Variants in ANK2 observed in about 807,000 individuals in gnomAD.
ANK2 encodes the protein ankyrin-2.
ANK2 carries 83 observed loss-of-function variants against 360.5 expected under a neutral mutation model. The ratio of observed to expected loss-of-function variants is 0.23; its 90% CI spans 0.19 to 0.28. The LOEUF is 0.28. Ranked by LOEUF, ANK2 falls within the 10% of genes least tolerant of loss-of-function variation. The pLI, the probability that ANK2 is intolerant of heterozygous loss-of-function variation, is 1.00. For synonymous variants in ANK2, 1,740 were observed against 1,759.5 expected (o/e 0.99, Z 0.28); for missense variants, 4,201 against 4,795.7 (o/e 0.88, Z 3.66).
chr4:112,833,534 C>G (rs1400802291), intron 1 of ANK2, among the ~76,000 whole-genome samples: 2 of 146,670 alleles, frequency 1.4e-5, no homozygotes, highest in East Asian at 2.0e-4. Flanking sequence ...GAGGGAGTCT[C>G]GCTCTGTCCC....
intron 2 of ANK2, among the ~76,000 whole-genome samples, chr4:113,026,747 G>A (rs2154301093): frequency 6.6e-6 from 1 of 152,302 alleles, no homozygotes; most frequent in Non-Finnish European, 1.5e-5. Context: ...AGGACGATGA[G>A]TAATCAAGGA....
the ANK2 span, among the ~76,000 whole-genome samples, chr4:112,785,287 A>G: frequency 6.6e-6 from 1 of 151,668 alleles, no homozygotes. Flanking sequence ...ATTATTAACA[A>G]CCCTTCCAAT....
At chr4:112,872,541 T>G (rs2073547246) in intron 1 of ANK2, among the ~76,000 whole-genome samples, 1 of 152,196 alleles carries the variant, frequency 6.6e-6, no homozygotes, top group African/African-American at 2.4e-5. Flanking sequence ...TTCTCCATGT[T>G]GGTCAGGCTG....
At chr4:113,247,045 A>G (rs903660114) in intron 9 of ANK2, among the ~76,000 whole-genome samples, 5 of 150,668 alleles carry the variant, frequency 3.3e-5, no homozygotes, top group Non-Finnish European at 7.4e-5. Flanking sequence ...GGGGGAAGAT[A>G]TGAAAAGATA....
rs769018760 is a variant in ANK2 at position 113,264,878 on chromosome 4, G to A, written c.1387-19G>A. 6.4e-6 allele frequency: 10 copies of A among 1,553,922 alleles called. No homozygotes were observed. The highest frequency in any genetic ancestry group is 2.0e-5 in the Admixed American group (1 of 51,254). Reference sequence around the variant, plus strand: ...GCGGTGGGTTAATTTATGATTTGACGATCTTTGTTCCCTGGCAGCGTGGTG... The same window carrying A: ...GCGGTGGGTTAATTTATGATTTGACAATCTTTGTTCCCTGGCAGCGTGGTG... On this transcript the variant is annotated intron_variant, in intron 13 of 45. Transcript: ENST00000357077.
chr4:112,758,555 C>A, the ANK2 span, among the ~76,000 whole-genome samples: 4 of 151,990 alleles, frequency 2.6e-5, no homozygotes, highest in Non-Finnish European at 5.9e-5. Flanking sequence ...GGATTACAGG[C>A]GAGCAGGCGC....
At chr4:113,259,183 T>A (rs537301217) in intron 13 of ANK2, among the ~76,000 whole-genome samples, 1 of 152,236 alleles carries the variant, frequency 6.6e-6, no homozygotes, top group South Asian at 2.1e-4. Flanking sequence ...TCAGGATAAA[T>A]CATTGAATGC....
chr4:112,717,518 T>C, the ANK2 span, among the ~76,000 whole-genome samples: 1 of 152,328 alleles, frequency 6.6e-6, no homozygotes, highest in Middle Eastern at 3.4e-3. Flanking sequence ...TGCATCGTAC[T>C]GTGATATTCC....
At chr4:113,261,979 A>G (rs1425544404) in intron 13 of ANK2, among the ~76,000 whole-genome samples, 1 of 152,062 alleles carries the variant, frequency 6.6e-6, no homozygotes, top group African/African-American at 2.4e-5. Context: ...CTTGAACCAA[A>G]GAGGTGGAGG....
chr4:113,111,946 G>A (rs2094343538), intron 1 of ANK2, among the ~76,000 whole-genome samples: 1 of 152,120 alleles, frequency 6.6e-6, no homozygotes, highest in Non-Finnish European at 1.5e-5. Flanking sequence ...ATGAGGACAA[G>A]GGTTTTGTCA....
chr4:113,224,142 T>C (rs925455447), intron 4 of ANK2, among the ~76,000 whole-genome samples: 1 of 152,194 alleles, frequency 6.6e-6, no homozygotes, highest in Admixed American at 6.5e-5. Context: ...CCATCATCAG[T>C]GCTTTAGAAG....
Position 113,077,572 on chromosome 4 carries a change from T to G in ANK2, c.84+27760T>G, listed in dbSNP as rs1057469611. Reference sequence around the variant, plus strand: ...TCTAAAGACCATCTGCCCAGTCCTATTAACCAGTAACTACAGAAAGAAGTT... The same window carrying G: ...TCTAAAGACCATCTGCCCAGTCCTAGTAACCAGTAACTACAGAAAGAAGTT... On this transcript the variant is annotated intron_variant, in intron 1 of 45. Transcript: ENST00000357077. 2.6e-5 allele frequency among the ~76,000 whole-genome samples: 4 copies of G among 152,226 alleles called. No homozygotes were observed. In the East Asian group the frequency reaches 7.7e-4, roughly 29 times the overall value.
chr4:113,183,264 C>T (rs1046753105), intron 2 of ANK2, among the ~76,000 whole-genome samples: 1 of 151,726 alleles, frequency 6.6e-6, no homozygotes, highest in Non-Finnish European at 1.5e-5. Flanking sequence ...AAATAATAAT[C>T]CAGGAGAGTG....
At chr4:113,214,686 G>A (rs916865806) in intron 4 of ANK2, among the ~76,000 whole-genome samples, 1 of 152,224 alleles carries the variant, frequency 6.6e-6, no homozygotes, top group East Asian at 1.9e-4. Flanking sequence ...AGCATGGTAG[G>A]TTAGGACTTT....
chr4:113,011,486 C>G (rs898758044), intron 2 of ANK2, among the ~76,000 whole-genome samples: 1 of 152,050 alleles, frequency 6.6e-6, no homozygotes, highest in Admixed American at 6.6e-5. Context: ...GAATTGAATG[C>G]TTATATACAG....
intron 26 of ANK2, among the ~76,000 whole-genome samples, chr4:113,329,707 T>G (rs1474704014): frequency 6.6e-6 from 1 of 152,220 alleles, no homozygotes; most frequent in Non-Finnish European, 1.5e-5. Context: ...TCAAAAGATT[T>G]AATTATTTTG....
At chr4:113,085,958 A>G (rs2084536406) in intron 1 of ANK2, among the ~76,000 whole-genome samples, 1 of 152,234 alleles carries the variant, frequency 6.6e-6, no homozygotes, top group South Asian at 2.1e-4. Context: ...TGAAAAAAAT[A>G]GAGGACTTAG....
chr4:113,026,470 C>T (rs1554059519), intron 2 of ANK2, among the ~76,000 whole-genome samples: 1 of 152,164 alleles, frequency 6.6e-6, no homozygotes, highest in Non-Finnish European at 1.5e-5. Flanking sequence ...TCCTCTTCAA[C>T]TATATCAACA....
the ANK2 span, among the ~76,000 whole-genome samples, chr4:112,803,039 G>A: frequency 6.6e-6 from 1 of 152,116 alleles, no homozygotes; most frequent in Admixed American, 6.5e-5. Flanking sequence ...TATAACTGCT[G>A]CTTTTAGTGA....
Sources: allele counts gnomAD v4.1 joint callset (sites outside exome capture counted in the v4.1 genomes callset), GRCh38; gene constraint gnomAD v4.1.1; transcripts MANE v1.5; gene names NCBI Gene and HGNC (gene_info 2026-07-23, HGNC 2026-07-21).